Variants in RAB18 observed in about 807,000 individuals in gnomAD.
The protein encoded by RAB18 is ras-related protein Rab-18.
A neutral mutation model predicts 28.5 loss-of-function variants in RAB18; 10 were observed. The observed-to-expected ratio is 0.35, with a 90% confidence interval of 0.22 to 0.60. The LOEUF is 0.60. Among genes scored for constraint, RAB18 ranks in the 20% least tolerant of loss-of-function variants. The probability of loss-of-function intolerance (pLI) is 0.78; values close to 1 mark genes in which losing one functional copy is unlikely to be tolerated. For missense variants in RAB18, 188 were observed against 244.2 expected (o/e 0.77, Z 1.53); for synonymous variants, 93 against 86.9 (o/e 1.07, Z -0.39).
chr10:27,511,393 G>A (rs1834319551), intron 2 of RAB18, among the ~76,000 whole-genome samples: 2 of 151,948 alleles, frequency 1.3e-5, no homozygotes. Context: ...TTTTGATAGA[G>A]ACGGGGTTTA....
chr10:27,537,332 A>G (rs1258591937), intron 6 of RAB18, among the ~76,000 whole-genome samples: 15 of 152,228 alleles, frequency 9.9e-5, no homozygotes, highest in Admixed American at 9.8e-4. Context: ...GAGAAAGATC[A>G]TCACTAAGGA....
At chr10:27,525,961 C>CT (rs1834663313) in intron 2 of RAB18, among the ~76,000 whole-genome samples, 1 of 152,142 alleles carries the variant, frequency 6.6e-6, no homozygotes, top group Non-Finnish European at 1.5e-5. Context: ...GCTTCTTGAG[C>CT]TAATGTTTTC....
chr10:27,531,489 T>A, intron 3 of RAB18: 1 of 1,537,868 alleles, frequency 6.5e-7, no homozygotes, highest in Non-Finnish European at 8.8e-7. Flanking sequence ...GGTAGCTAAG[T>A]TGAGGTTTGA....
intron 3 of RAB18, 68 bp from the exon 4 acceptor site, chr10:27,532,439 A>G: frequency 2.5e-6 from 3 of 1,176,928 alleles, no homozygotes; most frequent in Non-Finnish European, 3.8e-6. Context: ...TTGACTTTCT[A>G]CTCTTAAACT....
chr10:27,531,045 G>A (rs1171070047), intron 3 of RAB18, among the ~76,000 whole-genome samples: 1 of 151,948 alleles, frequency 6.6e-6, no homozygotes, highest in African/African-American at 2.4e-5. Flanking sequence ...TAAAATCCAA[G>A]GCAGGTTTTG....
intron 1 of RAB18, among the ~76,000 whole-genome samples, chr10:27,508,079 A>G (rs1837893422): frequency 6.6e-6 from 1 of 152,056 alleles, no homozygotes; most frequent in African/African-American, 2.4e-5. Context: ...TCTTTTCAAA[A>G]TCTAATAGAG....
chr10:27,531,317 A>C (rs1834783021), intron 3 of RAB18, among the ~76,000 whole-genome samples: 1 of 151,900 alleles, frequency 6.6e-6, no homozygotes. Flanking sequence ...TGGGGTTATA[A>C]ATGACTGCAG....
At position 27,526,828 on chromosome 10, in the gene RAB18, G is replaced by T; in HGVS notation, c.125G>T (p.Gly42Val). 1 of 1,613,158 alleles carries T rather than the reference G, an allele frequency of 6.2e-7. No individual in the cohort carries two copies. The highest frequency in any genetic ancestry group is 8.5e-7 in the Non-Finnish European group (1 of 1,179,446). Residue 42 changes from glycine (G) to valine (V), a missense_variant and splice_region_variant, in exon 3 of 7, where the codon GGT becomes GTT. Coordinates refer to ENST00000356940, the MANE Select transcript of RAB18 (RefSeq NM_021252.5). ...TTATCAAAATTTTCATTTCTTTAAG[G>T]TGTTGACTTTAAGGTGAAAACAATT... Reference protein sequence around the residue: ...TFDPELAATIGVDFKVKTISV... With the variant: ...TFDPELAATIVVDFKVKTISV...
At position 27,539,496 on chromosome 10, in the gene RAB18, G is replaced by A; in HGVS notation, c.*1445G>A. ...ACACTTCCTAGTCTACATTACATGT[G>A]GTTGAAGGTTTTATACATTCTATAT... On this transcript the variant is annotated 3_prime_UTR_variant, in exon 7 of 7. Coordinates refer to ENST00000356940, the MANE Select transcript of RAB18 (RefSeq NM_021252.5). 2.9e-6 allele frequency: 1 copy of A among 342,186 alleles called. No homozygotes were observed. Among genetic ancestry groups the A allele is most frequent in the South Asian group, 2.4e-5 (1 of 41,008 alleles). 21.2% of individuals were successfully genotyped at this position (342,186 alleles called of 1,614,324 possible). A position where few individuals can be genotyped will look rare whatever the true frequency, so the allele number is the denominator to read the frequency against.
intron 2 of RAB18, among the ~76,000 whole-genome samples, chr10:27,512,507 G>A (rs1259565912): frequency 6.6e-6 from 1 of 151,966 alleles, no homozygotes; most frequent in Non-Finnish European, 1.5e-5. Flanking sequence ...GTTTTGCTAT[G>A]TTGGCCAGTC....
chr10:27,515,158 G>A (rs10741136), intron 2 of RAB18, among the ~76,000 whole-genome samples: 75,766 of 151,912 alleles, frequency 0.5, 18,987 homozygotes, highest in South Asian at 0.52. Flanking sequence ...TTTTTCTGCT[G>A]TGACAGGATC....
intron 2 of RAB18, among the ~76,000 whole-genome samples, chr10:27,515,371 T>G (rs886248060): frequency 7.2e-5 from 11 of 152,198 alleles, no homozygotes; most frequent in Middle Eastern, 3.2e-3. Context: ...TTAAAAACTA[T>G]TTTCAAATAA....
chr10:27,537,304 G>A (rs1357037346), intron 6 of RAB18, among the ~76,000 whole-genome samples: 1 of 152,172 alleles, frequency 6.6e-6, no homozygotes, highest in Non-Finnish European at 1.5e-5. Flanking sequence ...AAGGAATAAA[G>A]TACTCATCTC....
intron 2 of RAB18, among the ~76,000 whole-genome samples, chr10:27,515,155 G>T (rs143848851): frequency 3.9e-5 from 6 of 152,198 alleles, no homozygotes; most frequent in East Asian, 3.9e-4. Flanking sequence ...TTCTTTTTCT[G>T]CTGTGACAGG....
Position 27,540,163 on chromosome 10 carries a change from A to G in RAB18, c.*2112A>G, listed in dbSNP as rs1246224634. The G allele has an allele frequency of 1.8e-5, 8 of 454,052 alleles. No homozygotes were observed. In the Admixed American group the frequency reaches 1.9e-4, roughly 11 times the overall value. 28.1% of individuals were successfully genotyped at this position (454,052 alleles called of 1,614,324 possible). On this transcript the variant is annotated 3_prime_UTR_variant, in exon 7 of 7. Coordinates refer to ENST00000356940, the MANE Select transcript of RAB18 (RefSeq NM_021252.5). ...TAAAAAACTATTCAATTTCTGAGTA[A>G]TAGTTAATATTTATTGAAAGCTTCC...
chr10:27,519,264 C>T (rs1434753745), intron 2 of RAB18, among the ~76,000 whole-genome samples: 1 of 151,926 alleles, frequency 6.6e-6, no homozygotes, highest in Non-Finnish European at 1.5e-5. Context: ...TTCTTGATAA[C>T]ATCTTTCAGT....
In RAB18 at chr10:27,540,316, C is replaced by G; in HGVS notation, c.*2265C>G. On this transcript the variant is annotated 3_prime_UTR_variant, in exon 7 of 7. Transcript: ENST00000356940. ...ACACAATGTAGGTATGTTAGGTAAC[C>G]CCCAAAGATCACATAGCTACTCAGT... 2.2e-6 allele frequency: 1 copy of G among 453,958 alleles called. No individual in the cohort carries two copies. Among genetic ancestry groups the G allele is most frequent in the South Asian group, 1.6e-5 (1 of 64,468 alleles). The allele number at this position is 453,958 out of a possible 1,614,324, so 28.1% of individuals were successfully genotyped here. A position where few individuals can be genotyped will look rare whatever the true frequency, so the allele number is the denominator to read the frequency against.
intron 6 of RAB18, among the ~76,000 whole-genome samples, chr10:27,535,573 GC>G (rs780147750): frequency 7.9e-5 from 12 of 152,190 alleles, no homozygotes; most frequent in Non-Finnish European, 1.3e-4. Context: ...TAGGGAAGCA[GC>G]GGTGTGACCT....
intron 3 of RAB18, among the ~76,000 whole-genome samples, chr10:27,529,448 A>G (rs920851863): frequency 1.3e-5 from 2 of 151,584 alleles, no homozygotes; most frequent in African/African-American, 2.4e-5. Context: ...TTCTTCTAGG[A>G]TGAAATAGAA....
Sources: allele counts gnomAD v4.1 joint callset (sites outside exome capture counted in the v4.1 genomes callset), GRCh38; gene constraint gnomAD v4.1.1; transcripts MANE v1.5; gene names NCBI Gene and HGNC (gene_info 2026-07-23, HGNC 2026-07-21).